VCL: variants seen among roughly 807,000 people sequenced by gnomAD.
The protein encoded by VCL is epididymis luminal protein 114.
In VCL, 47 loss-of-function variants were observed where a neutral mutation model predicts 125.7. That is an observed-to-expected ratio of 0.37 (90% CI 0.30 to 0.48). The LOEUF (loss-of-function observed/expected upper bound fraction) is 0.48, where lower values mean the gene tolerates loss of function less well. VCL is among the 20% of genes least tolerant of loss of function. The probability of loss-of-function intolerance (pLI) is 0.99; values close to 1 mark genes in which losing one functional copy is unlikely to be tolerated. For synonymous variants in VCL, 458 were observed against 514.6 expected (o/e 0.89, Z 1.49); for missense variants, 1,069 against 1,455.5 (o/e 0.73, Z 4.32).
intron 6 of VCL, among the ~76,000 whole-genome samples, chr10:74,080,881 G>A (rs1454882679): frequency 6.6e-6 from 1 of 152,112 alleles, no homozygotes; most frequent in Non-Finnish European, 1.5e-5. Flanking sequence ...TTGCTAATTT[G>A]GAATTAAGCT....
chr10:74,101,542 GTT>G (rs964739371), intron 14 of VCL, among the ~76,000 whole-genome samples: 1 of 88,142 alleles, frequency 1.1e-5, no homozygotes, highest in East Asian at 3.3e-4. Flanking sequence ...CTATTTATTA[GTT>G]TTTTTTTTTT....
chr10:74,055,751 C>T (rs551846010), intron 2 of VCL, among the ~76,000 whole-genome samples: 61 of 152,262 alleles, frequency 4.0e-4, no homozygotes, highest in Non-Finnish European at 7.1e-4. Flanking sequence ...TGCTTGTATA[C>T]TCAGTCTATT....
intron 1 of VCL, among the ~76,000 whole-genome samples, chr10:74,030,171 G>A (rs1393702879): frequency 2.0e-5 from 3 of 152,158 alleles, no homozygotes; most frequent in African/African-American, 7.2e-5. Flanking sequence ...TAAGCACTGG[G>A]GAGTGATGGC....
chr10:74,085,954 G>A (rs1001524142), intron 8 of VCL, among the ~76,000 whole-genome samples: 5 of 152,032 alleles, frequency 3.3e-5, no homozygotes, highest in African/African-American at 1.2e-4. Flanking sequence ...TGTAACTTCC[G>A]CCTCCTGGGT....
At chr10:74,117,028 T>C (rs1393579215) in intron 21 of VCL, among the ~76,000 whole-genome samples, 1 of 152,264 alleles carries the variant, frequency 6.6e-6, no homozygotes, top group Non-Finnish European at 1.5e-5. Flanking sequence ...CTTGACTTTC[T>C]ATGGTAGAGT....
At chr10:74,028,616 C>G (rs1368989413) in intron 1 of VCL, among the ~76,000 whole-genome samples, 1 of 152,008 alleles carries the variant, frequency 6.6e-6, no homozygotes, top group Non-Finnish European at 1.5e-5. Context: ...AGGCTGGTCT[C>G]GAACTCCTGA....
intron 1 of VCL, among the ~76,000 whole-genome samples, chr10:74,000,259 C>CTTTTTTTTTTTTTTTTTT (rs34197555): frequency 8.7e-6 from 1 of 114,828 alleles, no homozygotes; most frequent in Non-Finnish European, 1.7e-5. Context: ...TTGTATTTTG[C>CTTTTTTTTTTTTTTTTTT]TTTTTTTTTT....
intron 1 of VCL, among the ~76,000 whole-genome samples, chr10:74,028,316 T>A (rs1840811455): frequency 1.3e-5 from 2 of 151,990 alleles, no homozygotes; most frequent in Admixed American, 6.6e-5. Context: ...ACTCCTGGCT[T>A]CAAGTGATCT....
chr10:74,116,287 C>G, intron 21 of VCL, among the ~76,000 whole-genome samples: 1 of 152,154 alleles, frequency 6.6e-6, no homozygotes, highest in Admixed American at 6.5e-5. Context: ...CACCCTAATC[C>G]TCTCTTCTCC....
chr10:74,099,177 C>T (rs1229837571), intron 13 of VCL, among the ~76,000 whole-genome samples: 1 of 152,192 alleles, frequency 6.6e-6, no homozygotes, highest in African/African-American at 2.4e-5. Context: ...TTAAACCCTT[C>T]AGTGGGGCCT....
intron 1 of VCL, among the ~76,000 whole-genome samples, chr10:74,028,578 A>G (rs1003044469): frequency 3.3e-5 from 5 of 149,670 alleles, no homozygotes; most frequent in Admixed American, 6.6e-5. Flanking sequence ...TGTATTTTTA[A>G]TAGAGACGGG....
chr10:74,042,455 A>G (rs1256687757), intron 1 of VCL, among the ~76,000 whole-genome samples: 4 of 152,222 alleles, frequency 2.6e-5, no homozygotes, highest in African/African-American at 9.6e-5. Flanking sequence ...TGATTTTCCA[A>G]AGAGAATATG....
chr10:74,103,283 C>T (rs533159825), intron 14 of VCL, among the ~76,000 whole-genome samples: 252 of 152,274 alleles, frequency 1.7e-3, no homozygotes, highest in Non-Finnish European at 2.7e-3. Flanking sequence ...TTACCAGATA[C>T]GTGGCAAATG....
At chr10:74,026,356 A>T (rs753980667) in intron 1 of VCL, among the ~76,000 whole-genome samples, 51 of 152,274 alleles carry the variant, frequency 3.3e-4, no homozygotes, top group Non-Finnish European at 6.2e-4. Context: ...TTTTACCCTC[A>T]CCAACTGCCT....
At chr10:74,018,177 G>GATATATATATATAT (rs72407698) in intron 1 of VCL, among the ~76,000 whole-genome samples, 1,256 of 81,650 alleles carry the variant, frequency 0.015, 32 homozygotes, top group Admixed American at 0.02. Flanking sequence ...ATATATATAG[G>GATATATATATATAT]ATATATATAT....
At chr10:74,072,215 A>C (rs992302100) in intron 4 of VCL, among the ~76,000 whole-genome samples, 2 of 152,208 alleles carry the variant, frequency 1.3e-5, no homozygotes, top group African/African-American at 4.8e-5. Context: ...TAATATTTCT[A>C]TTTGTTTCTA....
intron 2 of VCL, among the ~76,000 whole-genome samples, chr10:74,059,225 C>T (rs1457241508): frequency 1.3e-5 from 2 of 152,030 alleles, no homozygotes; most frequent in African/African-American, 4.8e-5. Flanking sequence ...CATGGTGGCG[C>T]ATGCCTATAA....
intron 1 of VCL, among the ~76,000 whole-genome samples, chr10:74,017,313 C>T (rs918076861): frequency 1.3e-5 from 2 of 152,026 alleles, no homozygotes; most frequent in Admixed American, 6.6e-5. Flanking sequence ...TCCCAAAGTG[C>T]TGGGATTACA....
intron 1 of VCL, chr10:74,005,385 G>A (rs1318160725): frequency 2.0e-5 from 3 of 152,136 alleles, no homozygotes; most frequent in African/African-American, 7.2e-5. Context: ...CTCCTGAGTA[G>A]CTGGGATTAC....
Sources: allele counts gnomAD v4.1 joint callset (sites outside exome capture counted in the v4.1 genomes callset), GRCh38; gene constraint gnomAD v4.1.1; transcripts MANE v1.5; gene names NCBI Gene and HGNC (gene_info 2026-07-23, HGNC 2026-07-21).